ZHX3: variants seen among roughly 807,000 people sequenced by gnomAD.
ZHX3 encodes zinc fingers and homeoboxes protein 3.
Under a neutral mutation model 64.5 loss-of-function variants are expected in ZHX3, and 20 were observed. That is an observed-to-expected ratio of 0.31 (90% CI 0.22 to 0.45). The LOEUF is 0.45. ZHX3 is among the 20% of genes least tolerant of loss of function. The pLI is 1.00. For synonymous variants in ZHX3, 423 were observed against 461.6 expected, an observed-to-expected ratio of 0.92 and a Z score of 1.07; for missense variants, 1,041 against 1,195.8, an observed-to-expected ratio of 0.87 and a Z score of 1.91.
chr20:41,197,968 A>G (rs1009781293), intron 3 of ZHX3, among the ~76,000 whole-genome samples: 8 of 141,654 alleles, frequency 5.6e-5, no homozygotes, highest in Non-Finnish European at 7.8e-5. Flanking sequence ...TGGCTCTTAT[A>G]TTTACCTCTA....
Position 41,317,657 on chromosome 20 carries a change from G to T in ZHX3, c.-393C>A, listed in dbSNP as rs1010513986. The T allele has an allele frequency of 6.6e-6, 1 of 150,734 alleles. No homozygotes were observed. Among genetic ancestry groups the T allele is most frequent in the Non-Finnish European group, 1.5e-5 (1 of 67,430 alleles). The allele number at this position is 150,734 out of a possible 1,614,324, so 9.3% of individuals were successfully genotyped here. On this transcript the variant is annotated 5_prime_UTR_variant, in exon 1 of 4. Transcript: ENST00000683867. ...CGGAGCCGCGGACTGCTGAGCGGCGGGGACGCAGCTGCACCAACCGACTCC... is the reference window on the plus strand; with the variant it reads ...CGGAGCCGCGGACTGCTGAGCGGCGTGGACGCAGCTGCACCAACCGACTCC...
chr20:41,277,732 C>A (rs944483361), intron 1 of ZHX3, among the ~76,000 whole-genome samples: 2 of 145,324 alleles, frequency 1.4e-5, no homozygotes, highest in African/African-American at 5.1e-5. Flanking sequence ...GCTGGGACTA[C>A]AGGCGCCCGC....
chr20:41,273,779 T>C (rs949381128), intron 1 of ZHX3, among the ~76,000 whole-genome samples: 3 of 152,204 alleles, frequency 2.0e-5, no homozygotes, highest in African/African-American at 7.2e-5. Flanking sequence ...GAAGCATGAA[T>C]ACTCCAACTT....
Position 41,185,163 on chromosome 20 carries a change from C to G in ZHX3, c.*28G>C. ...CGTGGCAGGCGGTTTCCCAGACTGG[C>G]CAGTCCTTCACATTAATCAGATCAA... On this transcript the variant is annotated 3_prime_UTR_variant, in exon 4 of 4. Coordinates refer to ENST00000683867, the MANE Select transcript of ZHX3 (RefSeq NM_001384317.1). The surrounding 1 kb of genome is among the most constrained non-coding windows in gnomAD (Gnocchi z 5.0). The G allele has an allele frequency of 6.2e-7, 1 of 1,606,680 alleles. No individual in the cohort carries two copies. Among genetic ancestry groups the G allele is most frequent in the Non-Finnish European group, 8.5e-7 (1 of 1,176,346 alleles).
At chr20:41,267,269 T>G (rs902597663) in intron 2 of ZHX3, among the ~76,000 whole-genome samples, 47 of 117,142 alleles carry the variant, frequency 4.0e-4, no homozygotes, top group African/African-American at 2.0e-3. Context: ...ATAAATTACC[T>G]TCTAGATCAA....
chr20:41,214,394 G>T (rs1299566910), intron 2 of ZHX3, among the ~76,000 whole-genome samples: 2 of 152,158 alleles, frequency 1.3e-5, no homozygotes, highest in Non-Finnish European at 2.9e-5. Context: ...ACACAACTGG[G>T]AGACGACAGA....
intron 2 of ZHX3, among the ~76,000 whole-genome samples, chr20:41,237,606 C>A (rs1011003693): frequency 4.6e-5 from 7 of 152,054 alleles, no homozygotes; most frequent in Admixed American, 4.6e-4. Flanking sequence ...CTCACCAGGG[C>A]CTGTTGTGGG....
intron 1 of ZHX3, among the ~76,000 whole-genome samples, chr20:41,289,622 G>A (rs952613601): frequency 6.6e-6 from 1 of 151,786 alleles, no homozygotes; most frequent in Non-Finnish European, 1.5e-5. Context: ...TAAAACGTTT[G>A]GCTATGTCTA....
At chr20:41,192,805 C>T (rs950139733) in intron 3 of ZHX3, among the ~76,000 whole-genome samples, 2 of 152,290 alleles carry the variant, frequency 1.3e-5, no homozygotes, top group South Asian at 4.1e-4. Flanking sequence ...AGTGCGAGCT[C>T]CGTTCTGGAG....
At chr20:41,255,881 A>T (rs1368754774) in intron 2 of ZHX3, among the ~76,000 whole-genome samples, 1 of 152,198 alleles carries the variant, frequency 6.6e-6, no homozygotes, top group African/African-American at 2.4e-5. Context: ...ATGCCTTGGT[A>T]AACACATTTC....
Position 41,203,382 on chromosome 20 carries a change from C to G in ZHX3, c.1535G>C (p.Ser512Thr), listed in dbSNP as rs1600758705. The G allele has an allele frequency of 6.2e-7, 1 of 1,614,174 alleles. No individual in the cohort carries two copies. Among genetic ancestry groups the G allele is most frequent in the East Asian group, 2.2e-5 (1 of 44,886 alleles). ...CCCTGGGAACTGGTTCCGACAGAAG[C>G]TCCCTTTCAGAGCTGACAGCTGTTC... ...SHEQLSALKGSFCRNQFPGQS... is the reference protein window; with the variant it reads ...SHEQLSALKGTFCRNQFPGQS... Residue 512 changes from serine to threonine, a missense_variant, in exon 3 of 4, where the codon AGC (serine) becomes ACC (threonine). By Grantham distance (58) the Ser-to-Thr change is moderately conservative. Around this residue, in one of 4 missense-constraint regions of ZHX3, gnomAD observed 649 missense variants for 739.8 expected, o/e 0.88. Coordinates refer to ENST00000683867, the MANE Select transcript of ZHX3 (RefSeq NM_001384317.1). This position sits in a 1 kb window ranked among gnomAD's most constrained non-coding sequence, Gnocchi z 7.1.
In ZHX3 at chr20:41,200,276, T is replaced by G. The variant is rs888775942; in HGVS notation, c.2860+1781A>C. Among the ~76,000 whole-genome samples the G allele has an allele frequency of 5.9e-5, 9 of 152,150 alleles. No individual in the cohort carries two copies. The highest frequency in any genetic ancestry group is 7.3e-5 in the Non-Finnish European group (5 of 68,032). ...ATTCCTGGTGCTGCTACTGCCATCT[T>G]CCATAACATCATTCTCCATGTCAGC... On this transcript the variant is annotated intron_variant, in intron 3 of 3. Coordinates refer to ENST00000683867, the MANE Select transcript of ZHX3 (RefSeq NM_001384317.1). The surrounding 1 kb of genome is among the most constrained non-coding windows in gnomAD (Gnocchi z 4.2).
In ZHX3 at chr20:41,184,739, T is replaced by C. The variant is rs1219004198; in HGVS notation, c.*452A>G. 4 of 776,390 alleles carry C rather than the reference T, an allele frequency of 5.2e-6. No homozygotes were observed. In the African/African-American group the frequency reaches 7.0e-5, roughly 14 times the overall value. The allele number at this position is 776,390 out of a possible 1,614,324, so 48.1% of individuals were successfully genotyped here. ...GTGAGGGGCACCTGTGACCCAGCAA[T>C]CCCCAGAGAACAGACACAGGTCATT... On this transcript the variant is annotated 3_prime_UTR_variant, in exon 4 of 4. Transcript: ENST00000683867.
chr20:41,178,875 C>T lies in ZHX3; in HGVS notation c.*6316G>A, dbSNP rs1413630733. ...GCTAAAGTTTCATTGTGCCTCAAAA[C>T]AAACAAAAACAGGGCAGTTGCCTCT... is the stretch of plus-strand genomic sequence containing the variant. On this transcript the variant is annotated 3_prime_UTR_variant, in exon 4 of 4. Coordinates refer to ENST00000683867, the MANE Select transcript of ZHX3 (RefSeq NM_001384317.1). The T allele has an allele frequency of 6.6e-6, 1 of 152,604 alleles. No homozygotes were observed. Among genetic ancestry groups the T allele is most frequent in the African/African-American group, 2.4e-5 (1 of 41,428 alleles). The allele number at this position is 152,604 out of a possible 1,614,324, so 9.5% of individuals were successfully genotyped here. A position where few individuals can be genotyped will look rare whatever the true frequency, so the allele number is the denominator to read the frequency against.
chr20:41,310,342 T>C (rs1234015260), intron 1 of ZHX3, among the ~76,000 whole-genome samples: 4 of 152,172 alleles, frequency 2.6e-5, no homozygotes, highest in African/African-American at 4.8e-5. Context: ...CAAACCTTGT[T>C]TTCCTCTGAC....
At position 41,232,623 on chromosome 20, in the gene ZHX3, G is replaced by A. The variant is rs1196583141; in HGVS notation, c.-150-27557C>T. Among the ~76,000 whole-genome samples the A allele has an allele frequency of 5.9e-5, 9 of 151,834 alleles. No homozygotes were observed. The highest frequency in any genetic ancestry group is 1.0e-4 in the Non-Finnish European group (7 of 67,964). ...TCTTTTTTTTTTGAGACGGAGTCTC[G>A]CTGTCGCCCAGGCTGGAGTGCAGTG... On this transcript the variant is annotated intron_variant, in intron 2 of 3. Transcript: ENST00000683867. The surrounding 1 kb of genome is among the most constrained non-coding windows in gnomAD (Gnocchi z 5.0).
intron 1 of ZHX3, among the ~76,000 whole-genome samples, chr20:41,283,581 AC>A (rs1365286521): frequency 6.6e-6 from 1 of 151,988 alleles, no homozygotes; most frequent in East Asian, 1.9e-4. Context: ...ACACAGTGAA[AC>A]CCTGTCTCTA....
In ZHX3 at chr20:41,209,059, A is replaced by G. The variant is rs6016526; in HGVS notation, c.-150-3993T>C. 7.9e-3 allele frequency among the ~76,000 whole-genome samples: 1,196 copies of G among 152,318 alleles called. 11 individuals carry two copies. Among genetic ancestry groups the G allele is most frequent in the African/African-American group, 0.027 (1,133 of 41,562 alleles). ...CAATACACCAATAACAGACAAACAG[A>G]GAGCCAAATCATGAGTGAACTCCCA... On this transcript the variant is annotated intron_variant, in intron 2 of 3. Coordinates refer to ENST00000683867, the MANE Select transcript of ZHX3 (RefSeq NM_001384317.1).
At position 41,204,603 on chromosome 20, in the gene ZHX3, T is replaced by C; in HGVS notation, c.314A>G (p.Lys105Arg). The change falls in exon 3 of 4, where the codon AAA (lysine) becomes AGA (arginine). Residue 105 changes from lysine to arginine, a missense_variant. Physicochemically the swap from Lys to Arg is conservative, Grantham distance 26. Around this residue, in one of 4 missense-constraint regions of ZHX3, gnomAD observed 358 missense variants for 369.1 expected, o/e 0.97. Coordinates refer to ENST00000683867, the MANE Select transcript of ZHX3 (RefSeq NM_001384317.1). This position sits in a 1 kb window ranked among gnomAD's most constrained non-coding sequence, Gnocchi z 6.6. ...CCCACTGCATACAAAGGTTGGGTCT[T>C]TATTAAAGTCTGTGTGCTCTGAGTT... The part of the protein sequence containing the change: ...HMNSEHTDFN[K>R]DPTFVCSGCS... 1 of 1,614,244 alleles carries C rather than the reference T, an allele frequency of 6.2e-7. No individual in the cohort carries two copies. Among genetic ancestry groups the C allele is most frequent in the Non-Finnish European group, 8.5e-7 (1 of 1,180,030 alleles).
Sources: allele counts gnomAD v4.1 joint callset (sites outside exome capture counted in the v4.1 genomes callset), GRCh38; gene constraint gnomAD v4.1.1; regional missense constraint gnomAD v4.1.1; non-coding constraint Gnocchi (gnomAD v3.1); transcripts MANE v1.5; gene names NCBI Gene and HGNC (gene_info 2026-07-23, HGNC 2026-07-21).